PHF24: variants seen among roughly 807,000 people sequenced by gnomAD.
PHF24 encodes the protein PHD finger protein 24.
PHF24 carries 25 observed loss-of-function variants against 42.6 expected under a neutral mutation model. That is an observed-to-expected ratio of 0.59 (90% CI 0.43 to 0.82). PHF24 has a LOEUF of 0.82. PHF24 is among the 40% of genes least tolerant of loss of function. The probability of loss-of-function intolerance (pLI) is 0.00; values close to 1 mark genes in which losing one functional copy is unlikely to be tolerated. For synonymous variants in PHF24, 185 were observed against 204.8 expected (o/e 0.90, Z 0.83); for missense variants, 470 against 538.1 (o/e 0.87, Z 1.25).
chr9:34,878,219 T>G, the PHF24 span, among the ~76,000 whole-genome samples: 2 of 152,192 alleles, frequency 1.3e-5, no homozygotes, highest in Admixed American at 1.3e-4. Flanking sequence ...GACCTAAAAC[T>G]GCTCTAAAGA....
chr9:34,866,170 A>G, the PHF24 span, among the ~76,000 whole-genome samples: 1 of 152,190 alleles, frequency 6.6e-6, no homozygotes, highest in Non-Finnish European at 1.5e-5. Context: ...CTGCTAAACA[A>G]ATACTTTAAG....
the PHF24 span, among the ~76,000 whole-genome samples, chr9:34,752,408 A>C: frequency 3.3e-5 from 5 of 152,190 alleles, no homozygotes. Context: ...ACTAGGGGCA[A>C]CTATATGCCA....
chr9:34,690,054 C>A, the PHF24 span: 1 of 1,608,144 alleles, frequency 6.2e-7, no homozygotes, highest in Non-Finnish European at 8.5e-7. Flanking sequence ...GAATGGAGCC[C>A]CAGAATCCAG....
At chr9:34,908,872 G>C in the PHF24 span, among the ~76,000 whole-genome samples, 1 of 135,792 alleles carries the variant, frequency 7.4e-6, no homozygotes, top group Non-Finnish European at 1.5e-5. Flanking sequence ...TTTTGAGACA[G>C]AGTCTCACGT....
the PHF24 span, among the ~76,000 whole-genome samples, chr9:34,742,253 A>G: frequency 5.3e-5 from 8 of 152,348 alleles, no homozygotes; most frequent in South Asian, 1.7e-3. Flanking sequence ...ACTCACTTGG[A>G]AAATAAGTAG....
chr9:34,681,130 C>T, the PHF24 span: 1 of 152,310 alleles, frequency 6.6e-6, no homozygotes, highest in South Asian at 2.1e-4. Context: ...GATGAAGAGG[C>T]TGCCAACAGA....
At chr9:34,855,251 T>A in the PHF24 span, among the ~76,000 whole-genome samples, 1 of 152,348 alleles carries the variant, frequency 6.6e-6, no homozygotes, top group South Asian at 2.1e-4. Flanking sequence ...TATCTTTTAA[T>A]TGGGGCATTT....
chr9:34,834,517 G>T, the PHF24 span: 1 of 1,551,510 alleles, frequency 6.4e-7, no homozygotes, highest in Non-Finnish European at 8.7e-7. Context: ...GTTTCTGGAT[G>T]TGGAATTCCA....
At chr9:34,761,813 A>G in the PHF24 span, among the ~76,000 whole-genome samples, 3 of 152,134 alleles carry the variant, frequency 2.0e-5, no homozygotes, top group Non-Finnish European at 4.4e-5. Context: ...GTCATTTAGC[A>G]TTAGGTATAT....
the PHF24 span, among the ~76,000 whole-genome samples, chr9:34,875,936 ACACACACACACACACTCTCTCTCTCTCT>A: frequency 4.6e-5 from 4 of 87,904 alleles, no homozygotes; most frequent in East Asian, 3.1e-4. Flanking sequence ...ACACACACAC[ACACACACACACACACTCTCTCTCTCTCT>A]CTCTCTCTCT....
chr9:34,919,587 AT>A, the PHF24 span, among the ~76,000 whole-genome samples: 2 of 151,648 alleles, frequency 1.3e-5, no homozygotes, highest in South Asian at 4.2e-4. Context: ...TCTTTTAGTT[AT>A]TTTTTAATGT....
the PHF24 span, among the ~76,000 whole-genome samples, chr9:34,924,115 A>C: frequency 6.6e-6 from 1 of 152,058 alleles, no homozygotes; most frequent in African/African-American, 2.4e-5. Flanking sequence ...ATAGTTTTTT[A>C]AATTCCTTTT....
chr9:34,672,524 T>A, the PHF24 span, among the ~76,000 whole-genome samples: 2 of 152,126 alleles, frequency 1.3e-5, no homozygotes, highest in African/African-American at 2.4e-5. Flanking sequence ...GGCTGAGAAG[T>A]CCAAGATTGA....
chr9:34,720,338 G>T, the PHF24 span, among the ~76,000 whole-genome samples: 1,054 of 152,064 alleles, frequency 6.9e-3, 15 homozygotes, highest in African/African-American at 0.024. Context: ...CCAGCTACTC[G>T]GGAGGCTGAG....
At chr9:34,807,750 A>G in the PHF24 span, among the ~76,000 whole-genome samples, 1 of 152,224 alleles carries the variant, frequency 6.6e-6, no homozygotes, top group Non-Finnish European at 1.5e-5. Context: ...AAGAGTAACA[A>G]TAGCATCATT....
At chr9:34,691,268 G>C in the PHF24 span, 9 of 690,576 alleles carry the variant, frequency 1.3e-5, no homozygotes, top group African/African-American at 1.6e-4. Context: ...GTGATGTGAG[G>C]CTGGGAATGT....
At chr9:34,716,796 G>A in the PHF24 span, among the ~76,000 whole-genome samples, 1 of 151,930 alleles carries the variant, frequency 6.6e-6, no homozygotes, top group African/African-American at 2.4e-5. Flanking sequence ...TTTGTAGAAA[G>A]GGGGTTTCAC....
chr9:34,784,638 T>C, the PHF24 span, among the ~76,000 whole-genome samples: 1 of 152,354 alleles, frequency 6.6e-6, no homozygotes, highest in Middle Eastern at 3.4e-3. Context: ...TATCTGACGA[T>C]TTCCACTGTC....
At chr9:34,705,168 G>T in the PHF24 span, among the ~76,000 whole-genome samples, 3 of 151,878 alleles carry the variant, frequency 2.0e-5, no homozygotes, top group African/African-American at 4.8e-5. Flanking sequence ...TAAGACATTA[G>T]AAATCCTTCA....
Sources: allele counts gnomAD v4.1 joint callset (sites outside exome capture counted in the v4.1 genomes callset), GRCh38; gene constraint gnomAD v4.1.1; transcripts MANE v1.5; gene names NCBI Gene and HGNC (gene_info 2026-07-23, HGNC 2026-07-21).